Variants in PPFIA2 observed in about 807,000 individuals in gnomAD.
PPFIA2 encodes liprin-alpha-2.
PPFIA2 carries 46 observed loss-of-function variants against 175.5 expected under a neutral mutation model. That is an observed-to-expected ratio of 0.26 (90% CI 0.21 to 0.34). PPFIA2 has a LOEUF of 0.34. PPFIA2 is among the 10% of genes least tolerant of loss of function. PPFIA2 has a pLI of 1.00. For synonymous variants in PPFIA2, 568 were observed against 511.4 expected, an observed-to-expected ratio of 1.11 and a Z score of -1.49; for missense variants, 1,179 against 1,506.1, an observed-to-expected ratio of 0.78 and a Z score of 3.60.
At chr12:81,606,810 A>G (rs1412721825) in intron 4 of PPFIA2, among the ~76,000 whole-genome samples, 1 of 152,046 alleles carries the variant, frequency 6.6e-6, no homozygotes, top group Non-Finnish European at 1.5e-5. Flanking sequence ...GAAGCTCTTT[A>G]GTTTAATTAG....
chr12:81,464,714 C>A (rs998285442), intron 4 of PPFIA2, among the ~76,000 whole-genome samples: 2 of 152,050 alleles, frequency 1.3e-5, no homozygotes, highest in African/African-American at 4.8e-5. Flanking sequence ...GAGTGTATAA[C>A]CTCTTCTGGT....
intron 22 of PPFIA2, among the ~76,000 whole-genome samples, chr12:81,322,092 C>T (rs182922076): frequency 1.3e-5 from 2 of 152,294 alleles, no homozygotes; most frequent in East Asian, 1.9e-4. Context: ...CCACCTCAGC[C>T]TCCCCAAGTG....
intron 4 of PPFIA2, among the ~76,000 whole-genome samples, chr12:81,499,743 C>G (rs963318733): frequency 6.6e-6 from 1 of 151,948 alleles, no homozygotes; most frequent in African/African-American, 2.4e-5. Context: ...TTTTCTCTCT[C>G]CCTCACCTGG....
chr12:81,417,760 A>C (rs536434588), intron 7 of PPFIA2, among the ~76,000 whole-genome samples: 1 of 151,920 alleles, frequency 6.6e-6, no homozygotes, highest in South Asian at 2.1e-4. Flanking sequence ...TCAGTATGAG[A>C]AGGAAGCAGA....
rs1024941475 is a variant in PPFIA2 at position 81,611,196 on chromosome 12, G to T, written c.303+65595C>A. Among the ~76,000 whole-genome samples the T allele has an allele frequency of 2.0e-5, 3 of 152,186 alleles. No individual in the cohort carries two copies. The East Asian group carries it at 5.8e-4, about 29-fold the overall frequency. On this transcript the variant is annotated intron_variant, in intron 4 of 32. Coordinates refer to ENST00000549396, the MANE Select transcript of PPFIA2 (RefSeq NM_003625.5). ...CAGCGCTGTGCCTCGGTTTCTTTTG[G>T]TAGGGGTTCCAGGCCACGAGCCTCT... is the stretch of plus-strand genomic sequence containing the variant.
intron 4 of PPFIA2, among the ~76,000 whole-genome samples, chr12:81,522,618 T>C (rs976497927): frequency 6.6e-6 from 1 of 152,244 alleles, no homozygotes; most frequent in Non-Finnish European, 1.5e-5. Context: ...TATATCTTTA[T>C]AAAAATTACA....
At chr12:81,433,410 G>A (rs2048441244) in intron 7 of PPFIA2, among the ~76,000 whole-genome samples, 1 of 152,132 alleles carries the variant, frequency 6.6e-6, no homozygotes, top group Non-Finnish European at 1.5e-5. Flanking sequence ...TATTTAGTTA[G>A]TTTTGCACTA....
At chr12:81,328,836 A>C (rs1034864749) in intron 21 of PPFIA2, among the ~76,000 whole-genome samples, 1 of 138,104 alleles carries the variant, frequency 7.2e-6, no homozygotes, top group African/African-American at 2.7e-5. Context: ...TTTTTTTTTA[A>C]ACAGGGTCTC....
At chr12:81,395,597 C>T (rs1337497527) in intron 8 of PPFIA2, among the ~76,000 whole-genome samples, 2 of 151,954 alleles carry the variant, frequency 1.3e-5, no homozygotes, top group Non-Finnish European at 2.9e-5. Context: ...GAAAACACTT[C>T]TTTCCACAAG....
intron 28 of PPFIA2, among the ~76,000 whole-genome samples, chr12:81,273,949 A>G (rs2039861167): frequency 6.6e-6 from 1 of 151,844 alleles, no homozygotes; most frequent in Non-Finnish European, 1.5e-5. Flanking sequence ...ATATAAGGAA[A>G]TTTTATATTA....
At chr12:81,726,856 G>A (rs1025855488) in intron 3 of PPFIA2, among the ~76,000 whole-genome samples, 1 of 151,238 alleles carries the variant, frequency 6.6e-6, no homozygotes, top group African/African-American at 2.4e-5. Flanking sequence ...CTGCTGTGAT[G>A]CAACAAAATC....
intron 4 of PPFIA2, among the ~76,000 whole-genome samples, chr12:81,475,612 T>C (rs1029024170): frequency 6.6e-6 from 1 of 152,200 alleles, no homozygotes; most frequent in African/African-American, 2.4e-5. Context: ...AATGTCCACC[T>C]GAAGGCACTT....
intron 11 of PPFIA2, among the ~76,000 whole-genome samples, chr12:81,372,218 C>A: frequency 6.6e-6 from 1 of 151,228 alleles, no homozygotes; most frequent in Non-Finnish European, 1.5e-5. Flanking sequence ...GGATGAACTA[C>A]AGGCAGAAAT....
At chr12:81,499,673 T>C (rs2060392833) in intron 4 of PPFIA2, among the ~76,000 whole-genome samples, 1 of 152,074 alleles carries the variant, frequency 6.6e-6, no homozygotes, top group Non-Finnish European at 1.5e-5. Context: ...TTCAGTAGAA[T>C]TTAAAAAATT....
chr12:81,439,921 G>A (rs2049854192), intron 7 of PPFIA2, 51 bp downstream of exon 7: 2 of 1,381,872 alleles, frequency 1.4e-6, no homozygotes, highest in African/African-American at 1.5e-5. Flanking sequence ...CACAAGGGAT[G>A]TAATGTCAGC....
At chr12:81,509,468 A>T (rs551542609) in intron 4 of PPFIA2, among the ~76,000 whole-genome samples, 1 of 152,314 alleles carries the variant, frequency 6.6e-6, no homozygotes, top group East Asian at 1.9e-4. Flanking sequence ...AGGCATTTAT[A>T]TAGGGTCTTT....
chr12:81,495,298 T>C (rs890535174), intron 4 of PPFIA2, among the ~76,000 whole-genome samples: 1 of 152,076 alleles, frequency 6.6e-6, no homozygotes, highest in African/African-American at 2.4e-5. Flanking sequence ...ATATATCAAA[T>C]TGAATCATAA....
chr12:81,369,086 G>A (rs775582632), intron 12 of PPFIA2, 25 bp downstream of exon 12: 8 of 1,528,682 alleles, frequency 5.2e-6, no homozygotes, highest in South Asian at 3.4e-5. Flanking sequence ...AATGATTGGG[G>A]GGTAATAGTT....
chr12:81,415,191 AAAAAAAAAAAAAAAAAAAAATATATATAT>A lies in PPFIA2; in HGVS notation c.646-9317_646-9289del, dbSNP rs1264523176. 4.6e-4 allele frequency among the ~76,000 whole-genome samples: 20 copies of A among 43,182 alleles called. No individual in the cohort carries two copies. In the East Asian group the frequency reaches 4.7e-3, roughly 10 times the overall value. The allele number at this position is 43,182 out of a possible 152,430, so 28.3% of individuals were successfully genotyped here. ...CTTGGTTCAGGTAAAAAAAAAAAAA[AAAAAAAAAAAAAAAAAAAAATATATATAT>A]ATATATATATATATATATATATATA... On this transcript the variant is annotated intron_variant, in intron 7 of 32. Coordinates refer to ENST00000549396, the MANE Select transcript of PPFIA2 (RefSeq NM_003625.5).
Sources: allele counts gnomAD v4.1 joint callset (sites outside exome capture counted in the v4.1 genomes callset), GRCh38; gene constraint gnomAD v4.1.1; transcripts MANE v1.5; gene names NCBI Gene and HGNC (gene_info 2026-07-23, HGNC 2026-07-21).